The following NTNG1 variants were observed in gnomAD, a reference collection of about 807,000 sequenced individuals.
The protein encoded by NTNG1 is netrin G1.
In NTNG1, 16 loss-of-function variants were observed where a neutral mutation model predicts 54.0. The observed-to-expected ratio is 0.30, with a 90% confidence interval of 0.20 to 0.45. NTNG1 has a LOEUF of 0.45. Ranked by LOEUF, NTNG1 falls within the 20% of genes least tolerant of loss-of-function variation. The pLI, the probability that NTNG1 is intolerant of heterozygous loss-of-function variation, is 1.00. For synonymous variants in NTNG1, 255 were observed against 263.1 expected (o/e 0.97, Z 0.30); for missense variants, 530 against 678.7 (o/e 0.78, Z 2.43).
intron 3 of NTNG1, among the ~76,000 whole-genome samples, chr1:107,345,003 G>A (rs1669124269): frequency 6.6e-6 from 1 of 152,128 alleles, no homozygotes; most frequent in Non-Finnish European, 1.5e-5. Context: ...GAAAAGCATA[G>A]CATTCAAACA....
intron 1 of NTNG1, among the ~76,000 whole-genome samples, chr1:107,145,480 A>C (rs1654035637): frequency 6.6e-6 from 1 of 152,088 alleles, no homozygotes; most frequent in African/African-American, 2.4e-5. Flanking sequence ...TAATTATGTT[A>C]AATAACAGCT....
chr1:107,287,624 A>G (rs1665282291), intron 2 of NTNG1, among the ~76,000 whole-genome samples: 1 of 152,130 alleles, frequency 6.6e-6, no homozygotes, highest in South Asian at 2.1e-4. Context: ...GGTTGATGGT[A>G]GGGGAAAAGG....
At chr1:107,335,916 G>A (rs1243810368) in intron 3 of NTNG1, among the ~76,000 whole-genome samples, 3 of 151,852 alleles carry the variant, frequency 2.0e-5, no homozygotes, top group Non-Finnish European at 2.9e-5. Context: ...GCAAAACAGT[G>A]CTGAAACTAA....
chr1:107,379,714 T>C (rs920726374), intron 3 of NTNG1, among the ~76,000 whole-genome samples: 2 of 152,178 alleles, frequency 1.3e-5, no homozygotes, highest in African/African-American at 4.8e-5. Flanking sequence ...ACTTCAAAGA[T>C]AATAATTTGT....
At chr1:107,197,195 G>A (rs1402930023) in intron 2 of NTNG1, among the ~76,000 whole-genome samples, 1 of 151,938 alleles carries the variant, frequency 6.6e-6, no homozygotes, top group African/African-American at 2.4e-5. Flanking sequence ...CCTTAGGCTT[G>A]TGACACAGGA....
chr1:107,377,639 A>G (rs1671378844), intron 3 of NTNG1, among the ~76,000 whole-genome samples: 1 of 152,238 alleles, frequency 6.6e-6, no homozygotes, highest in Admixed American at 6.5e-5. Flanking sequence ...AGATCAGAGC[A>G]CCACACTCCT....
chr1:107,290,984 T>TTATATATATATATATATATATAC (rs1553218726), intron 2 of NTNG1, among the ~76,000 whole-genome samples: 1 of 140,024 alleles, frequency 7.1e-6, no homozygotes, highest in Non-Finnish European at 1.5e-5. Context: ...TATATATATA[T>TTATATATATATATATATATATAC]ACACACACAC....
intron 2 of NTNG1, among the ~76,000 whole-genome samples, chr1:107,166,448 A>G (rs1655799980): frequency 6.6e-6 from 1 of 152,158 alleles, no homozygotes; most frequent in Non-Finnish European, 1.5e-5. Context: ...CAATCTTTAA[A>G]TGCAATAATG....
intron 3 of NTNG1, among the ~76,000 whole-genome samples, chr1:107,331,205 T>C (rs1483347386): frequency 5.9e-5 from 9 of 152,054 alleles, no homozygotes; most frequent in Non-Finnish European, 1.5e-5. Context: ...ATTATGCTCT[T>C]ACAGTCACAC....
chr1:107,387,510 C>T (rs1473053111), intron 3 of NTNG1, among the ~76,000 whole-genome samples: 1 of 152,190 alleles, frequency 6.6e-6, no homozygotes, highest in African/African-American at 2.4e-5. Context: ...TTCTAACAAG[C>T]CCTCTGCTGA....
chr1:107,418,487 G>T, intron 5 of NTNG1: 1 of 753,904 alleles, frequency 1.3e-6, no homozygotes, highest in South Asian at 2.1e-5. Flanking sequence ...GAGCAGATGT[G>T]TGGTTTGTGT....
chr1:107,456,582 C>T (rs921177062), intron 7 of NTNG1, among the ~76,000 whole-genome samples: 1 of 152,180 alleles, frequency 6.6e-6, no homozygotes, highest in African/African-American at 2.4e-5. Flanking sequence ...ATCAATACTC[C>T]TAGCTGGATT....
chr1:107,349,160 T>C (rs1480143537), intron 3 of NTNG1, among the ~76,000 whole-genome samples: 1 of 152,112 alleles, frequency 6.6e-6, no homozygotes, highest in Non-Finnish European at 1.5e-5. Flanking sequence ...CTAATTTCTC[T>C]ACCTGGAATG....
At chr1:107,147,463 AT>A (rs36089232) in intron 1 of NTNG1, among the ~76,000 whole-genome samples, 17,713 of 149,434 alleles carry the variant, frequency 0.12, 1,306 homozygotes, top group South Asian at 0.17. Flanking sequence ...TTTATTTTTG[AT>A]TTTTTTTTTT....
rs148012211 is a variant in NTNG1, at chr1:107,340,235, C to T, written c.887+15313C>T. ...CTGTATATATGCTTAGAAAGACATGCTTTATTTCTCCTTTCCCTAAGATAG... is the reference window on the plus strand; with the variant it reads ...CTGTATATATGCTTAGAAAGACATGTTTTATTTCTCCTTTCCCTAAGATAG... On this transcript the variant is annotated intron_variant, in intron 3 of 7. Coordinates refer to ENST00000370068, the MANE Select transcript of NTNG1 (RefSeq NM_001113226.3). 4.6e-5 allele frequency among the ~76,000 whole-genome samples: 7 copies of T among 152,054 alleles called. No individual in the cohort carries two copies. The East Asian group carries it at 1.2e-3, about 25-fold the overall frequency.
At position 107,324,338 on chromosome 1, in the gene NTNG1, C is replaced by A. The variant is rs1316273251; in HGVS notation, c.303C>A (p.His101Gln). Reference sequence around the variant, plus strand: ...ATGCGAGTACCCCTGAGCTGGCACACCCCCCTGAGCTGATGTTTGATTTTG... The same window carrying A: ...ATGCGAGTACCCCTGAGCTGGCACAACCCCCTGAGCTGATGTTTGATTTTG... ...ECDASTPELA[H>Q]PPELMFDFEG... Residue 101 changes from histidine to glutamine, a missense_variant, in exon 3 of 8, where the codon CAC becomes CAA. Around this residue, in one of 2 missense-constraint regions of NTNG1, gnomAD observed 318 missense variants for 465.1 expected, o/e 0.68. Coordinates refer to ENST00000370068, the MANE Select transcript of NTNG1 (RefSeq NM_001113226.3). 3 of 1,613,418 alleles carry A rather than the reference C, an allele frequency of 1.9e-6. No individual in the cohort carries two copies. The highest frequency in any genetic ancestry group is 1.7e-5 in the Admixed American group (1 of 59,950).
rs201033868 is a variant in NTNG1, at chr1:107,308,012, GT to G, written c.247-16259del. Among the ~76,000 whole-genome samples, 738 of 146,512 alleles carry G rather than the reference GT, an allele frequency of 5.0e-3. 5 individuals are homozygous for G. The highest frequency in any genetic ancestry group is 0.014 in the East Asian group (71 of 5,032). On this transcript the variant is annotated intron_variant, in intron 2 of 7. Coordinates refer to ENST00000370068, the MANE Select transcript of NTNG1 (RefSeq NM_001113226.3). ...CATGTCTTTGCCCACTTTTAATAGT[GT>G]TTTTTTTTTTCTTGTAAATTCATCT...
At chr1:107,383,771 C>T (rs146110424) in intron 3 of NTNG1, among the ~76,000 whole-genome samples, 561 of 152,302 alleles carry the variant, frequency 3.7e-3, no homozygotes, top group Non-Finnish European at 6.7e-3. Flanking sequence ...CCCTATTCCT[C>T]TTATAGACTC....
chr1:107,456,671 T>C (rs2101518857), intron 7 of NTNG1, among the ~76,000 whole-genome samples: 1 of 152,298 alleles, frequency 6.6e-6, no homozygotes, highest in Non-Finnish European at 1.5e-5. Context: ...GGTTAAAGTA[T>C]TGGGTAGCAA....
Sources: gnomAD v4.1 joint callset for allele counts (sites outside exome capture counted in the v4.1 genomes callset) on GRCh38, gnomAD v4.1.1 for gene constraint, gnomAD v4.1.1 regional missense constraint, MANE v1.5 for transcripts, NCBI Gene and HGNC (gene_info 2026-07-23, HGNC 2026-07-21) for gene names.